TASP1: variants seen among roughly 807,000 people sequenced by gnomAD.
The protein encoded by TASP1 is taspase 1.
A neutral mutation model predicts 56.6 loss-of-function variants in TASP1; 16 were observed. The ratio of observed to expected loss-of-function variants is 0.28; its 90% CI spans 0.19 to 0.43. TASP1 has a LOEUF of 0.43. TASP1 is among the 20% of genes least tolerant of loss of function. The pLI is 1.00. For missense variants in TASP1, 393 were observed against 511.6 expected (o/e 0.77, Z 2.24); for synonymous variants, 179 against 184.2 (o/e 0.97, Z 0.23).
intron 4 of TASP1, among the ~76,000 whole-genome samples, chr20:13,591,116 A>C (rs1428664805): frequency 6.6e-6 from 1 of 152,084 alleles, no homozygotes; most frequent in African/African-American, 2.4e-5. Context: ...GAAGAATGGG[A>C]AATATCAAAT....
chr20:13,266,768 C>T, the TASP1 span, among the ~76,000 whole-genome samples: 2 of 152,146 alleles, frequency 1.3e-5, no homozygotes, highest in African/African-American at 4.8e-5. Flanking sequence ...AGAATGTTTG[C>T]TTGCCTGAAT....
chr20:13,606,806 C>CAAAAAAA (rs71334137), intron 4 of TASP1, among the ~76,000 whole-genome samples: 1 of 75,230 alleles, frequency 1.3e-5, no homozygotes, highest in Non-Finnish European at 2.7e-5. Context: ...GACTCCGTCT[C>CAAAAAAA]AAAAAAAAAA....
At chr20:13,215,278 C>T in the TASP1 span, among the ~76,000 whole-genome samples, 1 of 152,254 alleles carries the variant, frequency 6.6e-6, no homozygotes, top group Admixed American at 6.5e-5. Context: ...ACTCTGTGGG[C>T]CCTTCCCAAC....
At chr20:13,123,770 T>C in the TASP1 span, among the ~76,000 whole-genome samples, 1 of 152,130 alleles carries the variant, frequency 6.6e-6, no homozygotes, top group African/African-American at 2.4e-5. Flanking sequence ...TCCCCATCCC[T>C]CATGGCCAGA....
the TASP1 span, among the ~76,000 whole-genome samples, chr20:13,348,064 G>A: frequency 6.6e-6 from 1 of 152,034 alleles, no homozygotes; most frequent in Admixed American, 6.5e-5. Context: ...AACAGGATTA[G>A]GGATTGAGGA....
the TASP1 span, among the ~76,000 whole-genome samples, chr20:13,194,437 T>C: frequency 6.6e-6 from 1 of 152,110 alleles, no homozygotes; most frequent in Non-Finnish European, 1.5e-5. Flanking sequence ...ACATTCTCAA[T>C]TGCAAATGGT....
rs1249240377 is a variant in TASP1 at position 13,435,153 on chromosome 20, A to T, written c.987T>A (p.Ser329Arg). Residue 329 changes from serine to arginine, a missense_variant and splice_region_variant, in exon 12 of 14, where the codon AGT becomes AGA. By Grantham distance (110) the Ser-to-Arg change is moderately radical (BLOSUM62 -1). This residue lies in a region of TASP1 where 293 missense variants were observed against 354.2 expected (regional missense o/e 0.83). Coordinates refer to ENST00000337743, the MANE Select transcript of TASP1 (RefSeq NM_017714.3). ...CATCTTCACTGGCAAGGAAAGGTGA[A>T]CCTAGGCAGAAAGGACTAGTAGTTA... is the stretch of plus-strand genomic sequence containing the variant. ...LLETMQNKFISSPFLASEDGV... is the reference protein window; with the variant it reads ...LLETMQNKFIRSPFLASEDGV... 6.3e-7 allele frequency: 1 copy of T among 1,595,906 alleles called. No homozygotes were observed. The highest frequency in any genetic ancestry group is 8.5e-7 in the Non-Finnish European group (1 of 1,170,998).
the TASP1 span, among the ~76,000 whole-genome samples, chr20:13,179,659 G>A: frequency 2.0e-5 from 3 of 152,156 alleles, no homozygotes; most frequent in Non-Finnish European, 4.4e-5. Flanking sequence ...CCTCTTGAGA[G>A]TCCTCCTGAC....
the TASP1 span, among the ~76,000 whole-genome samples, chr20:13,149,205 T>C: frequency 6.6e-6 from 1 of 152,238 alleles, no homozygotes; most frequent in East Asian, 1.9e-4. Context: ...GACTTCTGTG[T>C]AATATGTAGA....
At chr20:13,424,662 C>T (rs926190256) in intron 12 of TASP1, among the ~76,000 whole-genome samples, 4 of 151,944 alleles carry the variant, frequency 2.6e-5, no homozygotes, top group Admixed American at 2.0e-4. Context: ...AGCTTCTAGC[C>T]TTTCAGTAAT....
At chr20:13,215,001 C>T in the TASP1 span, among the ~76,000 whole-genome samples, 5 of 152,170 alleles carry the variant, frequency 3.3e-5, no homozygotes, top group Non-Finnish European at 5.9e-5. Flanking sequence ...AGGTAATTGG[C>T]TTCTGGGGTA....
the TASP1 span, among the ~76,000 whole-genome samples, chr20:13,316,966 A>T: frequency 1.3e-5 from 2 of 152,048 alleles, no homozygotes; most frequent in African/African-American, 4.8e-5. Context: ...AATAAAAGCC[A>T]TATAGATTGA....
At chr20:13,127,751 C>T in the TASP1 span, among the ~76,000 whole-genome samples, 1 of 152,154 alleles carries the variant, frequency 6.6e-6, no homozygotes, top group South Asian at 2.1e-4. Context: ...TTCTTTTTCA[C>T]TAAAGCAGGG....
At chr20:13,154,773 T>G in the TASP1 span, among the ~76,000 whole-genome samples, 1 of 152,236 alleles carries the variant, frequency 6.6e-6, no homozygotes. Flanking sequence ...TAGCAACAAC[T>G]GCATAAAGAG....
At chr20:13,254,631 C>G in the TASP1 span, among the ~76,000 whole-genome samples, 2 of 152,174 alleles carry the variant, frequency 1.3e-5, no homozygotes, top group Non-Finnish European at 2.9e-5. Context: ...TCTATATTCT[C>G]TCTCTGGGCA....
the TASP1 span, among the ~76,000 whole-genome samples, chr20:13,309,408 A>G: frequency 6.6e-6 from 1 of 152,220 alleles, no homozygotes; most frequent in Non-Finnish European, 1.5e-5. Flanking sequence ...AATTAGGTGT[A>G]GAAGAAATGC....
At chr20:13,134,763 C>CAA in the TASP1 span, among the ~76,000 whole-genome samples, 10 of 144,938 alleles carry the variant, frequency 6.9e-5, no homozygotes, top group African/African-American at 2.5e-4. Flanking sequence ...AAGGACCTAG[C>CAA]AAAAAAAAAG....
chr20:13,401,492 T>C (rs183877991), intron 13 of TASP1, among the ~76,000 whole-genome samples: 1 of 152,274 alleles, frequency 6.6e-6, no homozygotes, highest in Admixed American at 6.5e-5. Flanking sequence ...ACCTAGTAGA[T>C]TCCACATCTG....
At chr20:13,193,308 G>A in the TASP1 span, among the ~76,000 whole-genome samples, 1 of 151,930 alleles carries the variant, frequency 6.6e-6, no homozygotes, top group Non-Finnish European at 1.5e-5. Context: ...AAAAAGCAAA[G>A]ATTATCAGTG....
Sources: gnomAD v4.1 joint callset for allele counts (sites outside exome capture counted in the v4.1 genomes callset) on GRCh38, gnomAD v4.1.1 for gene constraint, gnomAD v4.1.1 regional missense constraint, MANE v1.5 for transcripts, NCBI Gene and HGNC (gene_info 2026-07-23, HGNC 2026-07-21) for gene names.